The following AGMAT variants were observed in gnomAD, a reference collection of about 807,000 sequenced individuals.
The protein encoded by AGMAT is guanidino acid hydrolase, mitochondrial.
A neutral mutation model predicts 29.3 loss-of-function variants in AGMAT; 37 were observed. The ratio of observed to expected loss-of-function variants is 1.26; its 90% confidence interval spans 0.97 to 1.66. The LOEUF (loss-of-function observed/expected upper bound fraction) is 1.66. Ranked by LOEUF, AGMAT falls within the 40% of genes most tolerant of loss-of-function variation. The probability of loss-of-function intolerance (pLI) is 0.00; values close to 1 mark genes in which losing one functional copy is unlikely to be tolerated. For missense variants in AGMAT, 498 were observed against 497.8 expected, an observed-to-expected ratio of 1.00 and a Z score of 0.00; for synonymous variants, 199 against 200.8, an observed-to-expected ratio of 0.99 and a Z score of 0.08.
At position 15,579,018 on chromosome 1, in the gene AGMAT, G is replaced by A. The variant is rs1318502850; in HGVS notation, c.561C>T (p.His187=). 3.1e-6 allele frequency: 5 copies of A among 1,614,084 alleles called. No homozygotes were observed. The East Asian group carries it at 6.7e-5, about 22-fold the overall frequency. The change falls in exon 4 of 7, where the codon CAC becomes CAT. Residue 187 remains histidine, a synonymous_variant. Transcript: ENST00000375826. ...CTAGGGCCTTGTCGGTCGTGTCCGT[G>A]TGCGCATCCACGTGCAGCAGCCCCA... The part of the protein sequence containing the change: ...GPVGLLHVDA[H]TDTTDKALGE...
At chr1:15,582,486 T>C (rs1639129337) in intron 2 of AGMAT, among the ~76,000 whole-genome samples, 4 of 152,064 alleles carry the variant, frequency 2.6e-5, no homozygotes, top group African/African-American at 4.8e-5. Flanking sequence ...ACCACACTCC[T>C]CCCACTATGC....
Position 15,577,690 on chromosome 1 carries a change from T to C in AGMAT, c.895A>G (p.Ser299Gly). The C allele has an allele frequency of 6.2e-7, 1 of 1,613,180 alleles. No homozygotes were observed. The highest frequency in any genetic ancestry group is 8.5e-7 in the Non-Finnish European group (1 of 1,179,268). The change falls in exon 5 of 7, where the codon AGT becomes GGT. Residue 299 changes from serine (S) to glycine (G), a missense_variant. Transcript: ENST00000375826. Reference sequence around the variant, plus strand: ...CACTGGTGGAATCTCCTTACCTGACTAGGAGTGAGACCAGCAATTTCAGGT... The same window carrying C: ...CACTGGTGGAATCTCCTTACCTGACCAGGAGTGAGACCAGCAATTTCAGGT... The part of the protein sequence containing the change: ...GTPEIAGLTP[S>G]QALEIIRGCQ...
At chr1:15,581,273 A>G (rs896447138) in intron 2 of AGMAT, among the ~76,000 whole-genome samples, 4 of 151,966 alleles carry the variant, frequency 2.6e-5, no homozygotes, top group South Asian at 4.2e-4. Flanking sequence ...ACCTGAGCCC[A>G]GGGAGGGCAA....
rs1220870342 is a variant in AGMAT at position 15,580,179 on chromosome 1, T to C, written c.476-37A>G. 4 of 1,415,652 alleles carry C rather than the reference T, an allele frequency of 2.8e-6. No individual in the cohort carries two copies. The African/African-American group carries it at 4.3e-5, about 15-fold the overall frequency. 87.7% of individuals were successfully genotyped at this position (1,415,652 alleles called of 1,614,324 possible). A position where few individuals can be genotyped will look rare whatever the true frequency, so the allele number is the denominator to read the frequency against. On this transcript the variant is annotated intron_variant, in intron 2 of 6. Transcript: ENST00000375826. Reference sequence around the variant, plus strand: ...AAGAAGAAAACATCTGGAAAGTGAATTGGAGGATTACATAGAATAATCTTT... The same window carrying C: ...AAGAAGAAAACATCTGGAAAGTGAACTGGAGGATTACATAGAATAATCTTT...
rs780115772 is a variant in AGMAT, at chr1:15,574,840, G to A, written c.902C>T (p.Ala301Val). The A allele has an allele frequency of 6.2e-7, 1 of 1,613,098 alleles. No homozygotes were observed. The highest frequency in any genetic ancestry group is 8.5e-7 in the Non-Finnish European group (1 of 1,179,160). Residue 301 changes from alanine (A) to valine (V), a missense_variant and splice_region_variant, in exon 6 of 7, where the codon GCT becomes GTT. By Grantham distance (64) the Ala-to-Val change is moderately conservative. Coordinates refer to ENST00000375826, the MANE Select transcript of AGMAT (RefSeq NM_024758.5). ...TTGACAACCCCTGATGATCTCCAGAGCCTATTCAAGATCAAGACTGAGTTG... is the reference window on the plus strand; with the variant it reads ...TTGACAACCCCTGATGATCTCCAGAACCTATTCAAGATCAAGACTGAGTTG... The part of the protein sequence containing the change: ...PEIAGLTPSQ[A>V]LEIIRGCQGL...
At chr1:15,584,196 G>C (rs1394651914) in intron 1 of AGMAT, among the ~76,000 whole-genome samples, 1 of 152,202 alleles carries the variant, frequency 6.6e-6, no homozygotes, top group Non-Finnish European at 1.5e-5. Flanking sequence ...AGGCTGGAGC[G>C]CAGTGGCGCA....
Position 15,572,638 on chromosome 1 carries a change from G to T in AGMAT, c.*1013C>A, listed in dbSNP as rs1638973331. On this transcript the variant is annotated 3_prime_UTR_variant, in exon 7 of 7. Coordinates refer to ENST00000375826, the MANE Select transcript of AGMAT (RefSeq NM_024758.5). ...GCCCCCCAAAGTGCTGGGATTACAGGCATGAGCCACCGTGTCCAGCCTTAG... is the reference window on the plus strand; with the variant it reads ...GCCCCCCAAAGTGCTGGGATTACAGTCATGAGCCACCGTGTCCAGCCTTAG... The T allele has an allele frequency of 6.6e-6, 1 of 152,114 alleles. No individual in the cohort carries two copies. Among genetic ancestry groups the T allele is most frequent in the South Asian group, 2.1e-4 (1 of 4,828 alleles). 9.4% of individuals were successfully genotyped at this position (152,114 alleles called of 1,614,324 possible).
chr1:15,579,129 A>G, intron 3 of AGMAT, 75 bp from the exon 4 acceptor site: 1 of 1,452,796 alleles, frequency 6.9e-7, no homozygotes, highest in Non-Finnish European at 9.3e-7. Flanking sequence ...GGGCCACCAA[A>G]ACTTGGTGAC....
chr1:15,583,467 T>C, intron 1 of AGMAT, 72 bp from the exon 2 acceptor site: 3 of 1,421,176 alleles, frequency 2.1e-6, no homozygotes, highest in Non-Finnish European at 2.9e-6. Context: ...CCAGGGCTTC[T>C]CAGCCTCAGC....
rs760187441 is a variant in AGMAT at position 15,574,788 on chromosome 1, A to C, written c.954T>G (p.Leu318=). ...CQGLNVMGCD[L]VEVSPPYDLS... ...GATCATACGGTGGTGAAACTTCGAC[A>C]AGATCACAGCCCATCACGTTCAGGC... The change falls in exon 6 of 7, where the codon CTT becomes CTG. Residue 318 remains leucine (L), a synonymous_variant. Coordinates refer to ENST00000375826, the MANE Select transcript of AGMAT (RefSeq NM_024758.5). 2.2e-5 allele frequency: 36 copies of C among 1,613,878 alleles called. No homozygotes were observed. Among genetic ancestry groups the C allele is most frequent in the Non-Finnish European group, 3.1e-5 (36 of 1,179,922 alleles).
chr1:15,574,963 T>C, intron 5 of AGMAT, 122 bp from the exon 6 acceptor site: 3 of 700,380 alleles, frequency 4.3e-6, no homozygotes, highest in South Asian at 1.6e-5. Context: ...TCCATAAACA[T>C]TTGTTGACTG....
intron 1 of AGMAT, 97 bp downstream of exon 1, chr1:15,584,599 C>T (rs1639159199): frequency 2.5e-6 from 3 of 1,218,782 alleles, no homozygotes; most frequent in East Asian, 3.2e-5. Flanking sequence ...CAACTCGACC[C>T]GGGGCCAGCA....
At chr1:15,576,952 G>A (rs553260956) in intron 5 of AGMAT, among the ~76,000 whole-genome samples, 4 of 143,552 alleles carry the variant, frequency 2.8e-5, no homozygotes, top group South Asian at 4.5e-4. Context: ...GAGTTTCACC[G>A]TGTTAGCCAA....
Position 15,573,353 on chromosome 1 carries a change from G to C in AGMAT, c.*298C>G. On this transcript the variant is annotated 3_prime_UTR_variant, in exon 7 of 7. Coordinates refer to ENST00000375826, the MANE Select transcript of AGMAT (RefSeq NM_024758.5). Reference sequence around the variant, plus strand: ...TTAAATGTCATGTTTCTAATGTTTAGATAATCTTGAAAGAAATTCTCCTCA... The same window carrying C: ...TTAAATGTCATGTTTCTAATGTTTACATAATCTTGAAAGAAATTCTCCTCA... 3.3e-6 allele frequency: 1 copy of C among 302,460 alleles called. No homozygotes were observed. The allele number at this position is 302,460 out of a possible 1,614,324, so 18.7% of individuals were successfully genotyped here.
intron 2 of AGMAT, 102 bp from the exon 3 acceptor site, chr1:15,580,244 T>G: frequency 3.0e-6 from 3 of 1,016,306 alleles, no homozygotes; most frequent in Non-Finnish European, 4.4e-6. Flanking sequence ...TTTGCTCTGT[T>G]GTCCAGGCTG....
At chr1:15,576,737 G>GTTGTTTTTTTTTTTTT (rs1420717123) in intron 5 of AGMAT, among the ~76,000 whole-genome samples, 1 of 31,586 alleles carries the variant, frequency 3.2e-5, no homozygotes, top group Non-Finnish European at 6.5e-5. Context: ...CAAGTTTAGT[G>GTTGTTTTTTTTTTTTT]TTCTTTTTTT....
chr1:15,578,636 G>A (rs948824049), intron 4 of AGMAT, among the ~76,000 whole-genome samples: 9 of 152,002 alleles, frequency 5.9e-5, no homozygotes, highest in African/African-American at 1.7e-4. Context: ...GGGGTTGGTC[G>A]ATTTCTGCTT....
chr1:15,582,002 C>T (rs559050924), intron 2 of AGMAT, among the ~76,000 whole-genome samples: 1 of 152,190 alleles, frequency 6.6e-6, no homozygotes, highest in African/African-American at 2.4e-5. Context: ...GGCGCAATGG[C>T]TCACGCCTGT....
intron 5 of AGMAT, among the ~76,000 whole-genome samples, chr1:15,577,418 C>T (rs1414927034): frequency 1.3e-5 from 2 of 152,016 alleles, no homozygotes; most frequent in Non-Finnish European, 2.9e-5. Flanking sequence ...ACTAAAAATA[C>T]AAAAATTAGC....
Sources: gnomAD v4.1 joint callset for allele counts (sites outside exome capture counted in the v4.1 genomes callset) on GRCh38, gnomAD v4.1.1 for gene constraint, MANE v1.5 for transcripts, NCBI Gene and HGNC (gene_info 2026-07-23, HGNC 2026-07-21) for gene names.